Variants in DNAJB13 observed in about 807,000 individuals in gnomAD.
DNAJB13 encodes the protein DnaJ heat shock protein family (Hsp40) member B13.
A neutral mutation model predicts 35.6 loss-of-function variants in DNAJB13; 22 were observed. That is an observed-to-expected ratio of 0.62 (90% CI 0.44 to 0.88). DNAJB13 has a LOEUF of 0.88. Among genes scored for constraint, DNAJB13 ranks in the 40% least tolerant of loss-of-function variants. The pLI, the probability that DNAJB13 is intolerant of heterozygous loss-of-function variation, is 0.00. For missense variants in DNAJB13, 370 were observed against 384.3 expected (o/e 0.96, Z 0.31); for synonymous variants, 136 against 144.2 (o/e 0.94, Z 0.41).
chr11:73,960,640 C>T (rs1240512320), intron 3 of DNAJB13, among the ~76,000 whole-genome samples: 7 of 152,208 alleles, frequency 4.6e-5, no homozygotes, highest in Non-Finnish European at 1.0e-4. Context: ...CATTTTCTTC[C>T]TCAGAAGCAG....
chr11:73,964,115 C>T (rs1478193276), intron 3 of DNAJB13: 1 of 152,180 alleles, frequency 6.6e-6, no homozygotes, highest in Non-Finnish European at 1.5e-5. Flanking sequence ...GCATTATTAC[C>T]CCATCCCACA....
intron 5 of DNAJB13, among the ~76,000 whole-genome samples, chr11:73,967,062 A>T (rs1247639138): frequency 6.6e-6 from 1 of 152,154 alleles, no homozygotes. Flanking sequence ...CATGTTGGCC[A>T]GGCTGGTCTT....
chr11:73,969,412 G>A, intron 7 of DNAJB13, 90 bp downstream of exon 7: 3 of 788,852 alleles, frequency 3.8e-6, no homozygotes, highest in Non-Finnish European at 6.6e-6. Flanking sequence ...CAGTAGAGTT[G>A]TACAGGCTGC....
At chr11:73,967,582 TA>T (rs1394979357) in intron 5 of DNAJB13, among the ~76,000 whole-genome samples, 5 of 152,038 alleles carry the variant, frequency 3.3e-5, no homozygotes, top group Non-Finnish European at 5.9e-5. Flanking sequence ...TTGTCTCTAC[TA>T]AAAATAAAAA....
chr11:73,957,170 A>T (rs551237998), intron 1 of DNAJB13, among the ~76,000 whole-genome samples: 36 of 152,240 alleles, frequency 2.4e-4, no homozygotes, highest in Admixed American at 6.5e-4. Flanking sequence ...AGCCTTCCAC[A>T]TGGAGCCGGC....
chr11:73,966,909 G>A (rs1951132644), intron 5 of DNAJB13, among the ~76,000 whole-genome samples: 1 of 146,528 alleles, frequency 6.8e-6, no homozygotes, highest in Admixed American at 6.9e-5. Flanking sequence ...CTGGAAGGCA[G>A]TGGTGCGATC....
At chr11:73,962,391 T>C (rs889603496) in intron 3 of DNAJB13, among the ~76,000 whole-genome samples, 3 of 104,354 alleles carry the variant, frequency 2.9e-5, no homozygotes, top group South Asian at 3.4e-4. Context: ...TATGAATGAA[T>C]AGACGAGCAC....
intron 1 of DNAJB13, among the ~76,000 whole-genome samples, chr11:73,954,531 G>A (rs966292395): frequency 6.6e-6 from 1 of 151,252 alleles, no homozygotes; most frequent in Non-Finnish European, 1.5e-5. Flanking sequence ...TCGGGAGGGT[G>A]AGGCAGGAGA....
At chr11:73,967,789 AAT>A (rs1376816338) in intron 5 of DNAJB13, 2 of 158,686 alleles carry the variant, frequency 1.3e-5, no homozygotes, top group Non-Finnish European at 2.7e-5. Context: ...ATCTACTTCG[AAT>A]AAACACGCTT....
chr11:73,961,684 A>G (rs1284020423), intron 3 of DNAJB13, among the ~76,000 whole-genome samples: 1 of 152,238 alleles, frequency 6.6e-6, no homozygotes, highest in Non-Finnish European at 1.5e-5. Context: ...CCTTAGCTGC[A>G]AGAGAGTCTG....
In DNAJB13 at chr11:73,960,343, T is replaced by C. The variant is rs1028739452; in HGVS notation, c.334+688T>C. ...ACAGGCACCCACCACCACACCCAGC[T>C]AATAATTTTATATTTTTTAGTAGAG... On this transcript the variant is annotated intron_variant, in intron 3 of 7. Transcript: ENST00000339764. 2.0e-5 allele frequency among the ~76,000 whole-genome samples: 3 copies of C among 152,152 alleles called. No homozygotes were observed. The East Asian group carries it at 5.8e-4, about 29-fold the overall frequency.
intron 1 of DNAJB13, among the ~76,000 whole-genome samples, chr11:73,956,089 G>T (rs1176332374): frequency 1.3e-5 from 2 of 150,564 alleles, no homozygotes; most frequent in East Asian, 2.0e-4. Flanking sequence ...CTCCTGCTCA[G>T]TGCCCAGCAC....
intron 3 of DNAJB13, 62 bp from the exon 4 acceptor site, chr11:73,964,804 TGTGTGTGTGCGC>T (rs1389471322): frequency 4.0e-6 from 3 of 741,158 alleles, no homozygotes; most frequent in East Asian, 5.9e-5. Flanking sequence ...TGTGTGTGTG[TGTGTGTGTGCGC>T]GCGCGCGCAT....
At chr11:73,960,814 T>C (rs1480874398) in intron 3 of DNAJB13, among the ~76,000 whole-genome samples, 1 of 152,240 alleles carries the variant, frequency 6.6e-6, no homozygotes, top group Non-Finnish European at 1.5e-5. Flanking sequence ...GGAGATTATC[T>C]TATATGTTAT....
chr11:73,958,547 C>A, intron 2 of DNAJB13, 127 bp downstream of exon 2: 1 of 896,086 alleles, frequency 1.1e-6, no homozygotes, highest in Non-Finnish European at 1.7e-6. Context: ...AATCTAGACA[C>A]ACAGAGAAGA....
Position 73,970,062 on chromosome 11 carries a change from C to A in DNAJB13, c.899C>A (p.Thr300Asn), listed in dbSNP as rs772768069. Residue 300 changes from threonine to asparagine, a missense_variant, in exon 8 of 8, where the codon ACC becomes AAC. Coordinates refer to ENST00000339764, the MANE Select transcript of DNAJB13 (RefSeq NM_153614.4). ...ATCTTCTTCGACATCCAGTTCCCCA[C>A]CCGCCTCACACCCCAGAAGAAGCAG... The part of the protein sequence containing the change: ...LFIFFDIQFP[T>N]RLTPQKKQML... 6.2e-7 allele frequency: 1 copy of A among 1,611,298 alleles called. No individual in the cohort carries two copies. The highest frequency in any genetic ancestry group is 8.5e-7 in the Non-Finnish European group (1 of 1,178,654).
intron 3 of DNAJB13, among the ~76,000 whole-genome samples, chr11:73,963,259 C>T (rs936712893): frequency 6.6e-6 from 1 of 151,772 alleles, no homozygotes; most frequent in Non-Finnish European, 1.5e-5. Flanking sequence ...GTAGGAGAAT[C>T]GCTTGAACCG....
At chr11:73,956,363 G>C (rs961582574) in intron 1 of DNAJB13, among the ~76,000 whole-genome samples, 43 of 152,196 alleles carry the variant, frequency 2.8e-4, no homozygotes, top group Admixed American at 4.6e-4. Context: ...ATGCAGGAGA[G>C]GTCAAGGGAG....
At chr11:73,969,825 C>A in intron 7 of DNAJB13, 136 bp from the exon 8 acceptor site, 1 of 1,202,688 alleles carries the variant, frequency 8.3e-7, no homozygotes, top group Non-Finnish European at 1.1e-6. Flanking sequence ...CCAGTTCTGG[C>A]TAAGAACCAC....
Sources: allele counts gnomAD v4.1 joint callset (sites outside exome capture counted in the v4.1 genomes callset), GRCh38; gene constraint gnomAD v4.1.1; transcripts MANE v1.5; gene names NCBI Gene and HGNC (gene_info 2026-07-23, HGNC 2026-07-21).